The following ABTB2 variants were observed in gnomAD, a reference collection of about 807,000 sequenced individuals.
ABTB2 encodes the protein ankyrin repeat and BTB/POZ domain-containing protein 2.
ABTB2 carries 56 observed loss-of-function variants against 104.1 expected under a neutral mutation model. The observed-to-expected ratio is 0.54, with a 90% CI of 0.43 to 0.67. The LOEUF is 0.67. Among genes scored for constraint, ABTB2 ranks in the 30% least tolerant of loss-of-function variants. The probability of loss-of-function intolerance (pLI) is 0.00; values close to 1 mark genes in which losing one functional copy is unlikely to be tolerated. For missense variants in ABTB2, 1,279 were observed against 1,407.7 expected, an observed-to-expected ratio of 0.91 and a Z score of 1.46; for synonymous variants, 606 against 608.2, an observed-to-expected ratio of 1.00 and a Z score of 0.05.
intron 1 of ABTB2, among the ~76,000 whole-genome samples, chr11:34,313,608 G>A (rs917165343): frequency 6.6e-6 from 1 of 152,238 alleles, no homozygotes; most frequent in African/African-American, 2.4e-5. Context: ...CGCCCTGAGA[G>A]ATGGAGTTGT....
At chr11:34,261,208 A>G (rs934111094) in intron 1 of ABTB2, among the ~76,000 whole-genome samples, 1 of 152,200 alleles carries the variant, frequency 6.6e-6, no homozygotes, top group South Asian at 2.1e-4. Flanking sequence ...AATAACCTAG[A>G]AAATTTTATA....
chr11:34,272,615 G>C (rs7933390), intron 1 of ABTB2, among the ~76,000 whole-genome samples: 74,464 of 149,522 alleles, frequency 0.5, 19,752 homozygotes, highest in South Asian at 0.73. Flanking sequence ...GCTGAGGCAG[G>C]AGAATGGCGT....
chr11:34,210,289 A>G (rs1334133149), intron 1 of ABTB2, among the ~76,000 whole-genome samples: 1 of 152,210 alleles, frequency 6.6e-6, no homozygotes, highest in Non-Finnish European at 1.5e-5. Context: ...TGTGTGCGAC[A>G]GCACTCAGGT....
chr11:34,300,253 T>C (rs569893049), intron 1 of ABTB2, among the ~76,000 whole-genome samples: 46 of 152,202 alleles, frequency 3.0e-4, no homozygotes, highest in Admixed American at 1.2e-3. Flanking sequence ...GCATTCAGCG[T>C]TGGGTAGTGG....
chr11:34,215,623 G>A (rs756054606), intron 1 of ABTB2, among the ~76,000 whole-genome samples: 14 of 152,174 alleles, frequency 9.2e-5, no homozygotes, highest in Non-Finnish European at 1.8e-4. Context: ...CTTACTAGCT[G>A]TGTGACTCTG....
chr11:34,317,761 CAAA>C (rs772418965), intron 1 of ABTB2, among the ~76,000 whole-genome samples: 5 of 125,628 alleles, frequency 4.0e-5, no homozygotes, highest in Non-Finnish European at 3.3e-5. Flanking sequence ...AATCCTGTCT[CAAA>C]AAAAAAAAAA....
chr11:34,242,040 C>T (rs1050018429), intron 1 of ABTB2, among the ~76,000 whole-genome samples: 1 of 152,202 alleles, frequency 6.6e-6, no homozygotes, highest in Non-Finnish European at 1.5e-5. Flanking sequence ...ATGGCTCGGG[C>T]CCTGCGTTGG....
chr11:34,214,255 C>A (rs1057169192), intron 1 of ABTB2, among the ~76,000 whole-genome samples: 15 of 151,654 alleles, frequency 9.9e-5, no homozygotes, highest in African/African-American at 2.7e-4. Flanking sequence ...TTCTCAACAG[C>A]CACTAAAAGA....
At position 34,259,164 on chromosome 11, in the gene ABTB2, C is replaced by T. The variant is rs74681685; in HGVS notation, c.884-54474G>A. Among the ~76,000 whole-genome samples, 668 of 152,166 alleles carry T rather than the reference C, an allele frequency of 4.4e-3. 5 individuals are homozygous for T. The highest frequency in any genetic ancestry group is 0.016 in the African/African-American group (646 of 41,484). On this transcript the variant is annotated intron_variant, in intron 1 of 16. Transcript: ENST00000435224. ...CTTGTTAGCATTTTGGTCTAATAGC[C>T]CAGGTATGTCTCTCCACCCTAGTCC...
At chr11:34,260,023 G>C (rs931841762) in intron 1 of ABTB2, among the ~76,000 whole-genome samples, 2 of 152,018 alleles carry the variant, frequency 1.3e-5, no homozygotes, top group South Asian at 2.1e-4. Context: ...TGCTCAGGCT[G>C]GTCTCAAACT....
intron 3 of ABTB2, among the ~76,000 whole-genome samples, chr11:34,174,062 C>T (rs1474869846): frequency 1.3e-5 from 2 of 152,140 alleles, no homozygotes; most frequent in Non-Finnish European, 2.9e-5. Context: ...CGGCCGGGCT[C>T]GGTGGCTCAC....
intron 3 of ABTB2, among the ~76,000 whole-genome samples, chr11:34,187,504 T>C (rs1853116965): frequency 6.6e-6 from 1 of 151,376 alleles, no homozygotes; most frequent in African/African-American, 2.4e-5. Context: ...TTTGCCTTTT[T>C]TTTTTTTTGG....
intron 3 of ABTB2, among the ~76,000 whole-genome samples, chr11:34,188,434 C>T (rs1883962): frequency 0.73 from 110,685 of 152,074 alleles, 42,394 homozygotes; most frequent in East Asian, 0.97. Flanking sequence ...AAAGAGCGTA[C>T]AGTGAGGGAG....
Position 34,170,987 on chromosome 11 carries a change from C to T in ABTB2, c.1482G>A (p.Met494Ile), listed in dbSNP as rs1852866521. 1 of 1,614,200 alleles carries T rather than the reference C, an allele frequency of 6.2e-7. No individual in the cohort carries two copies. Among genetic ancestry groups the T allele is most frequent in the Non-Finnish European group, 8.5e-7 (1 of 1,180,040 alleles). ...EKFNQDLGFR[M>I]LNCGRTDLIN... ...TGAGGTCCGTCCTCCCACAGTTGAG[C>T]ATGCGGAAACCCAGGTCCTGGTTGA... Residue 494 changes from methionine (M) to isoleucine (I), a missense_variant, in exon 5 of 17, where the codon ATG becomes ATA. Transcript: ENST00000435224.
At chr11:34,169,523 C>G (rs1408228851) in intron 5 of ABTB2, among the ~76,000 whole-genome samples, 1 of 152,186 alleles carries the variant, frequency 6.6e-6, no homozygotes, top group Non-Finnish European at 1.5e-5. Context: ...GATGCTACAG[C>G]TCTTACATGG....
At chr11:34,281,857 G>A (rs914529189) in intron 1 of ABTB2, among the ~76,000 whole-genome samples, 2 of 152,242 alleles carry the variant, frequency 1.3e-5, no homozygotes, top group African/African-American at 2.4e-5. Context: ...CATTGAGACT[G>A]TATGGAAATA....
chr11:34,152,609 G>A (rs748973932), intron 16 of ABTB2, 25 bp from the exon 17 acceptor site: 8 of 1,592,744 alleles, frequency 5.0e-6, no homozygotes, highest in Non-Finnish European at 6.9e-6. Context: ...GAGGAGGGGT[G>A]AAGCCCATCG....
intron 1 of ABTB2, among the ~76,000 whole-genome samples, chr11:34,263,588 T>G (rs1019910294): frequency 1.3e-5 from 2 of 152,080 alleles, no homozygotes; most frequent in Non-Finnish European, 2.9e-5. Context: ...TCCCTGAGGC[T>G]CTCCTGCAGG....
At chr11:34,162,841 A>G (rs758990164) in intron 9 of ABTB2, 36 bp from the exon 10 acceptor site, 2 of 1,560,218 alleles carry the variant, frequency 1.3e-6, no homozygotes, top group Non-Finnish European at 1.7e-6. Flanking sequence ...TGAGGGCTGA[A>G]GTCCCACAGG....
Sources: gnomAD v4.1 joint callset for allele counts (sites outside exome capture counted in the v4.1 genomes callset) on GRCh38, gnomAD v4.1.1 for gene constraint, MANE v1.5 for transcripts, NCBI Gene and HGNC (gene_info 2026-07-23, HGNC 2026-07-21) for gene names.